SLC8A2: variants seen among roughly 807,000 people sequenced by gnomAD.
The protein encoded by SLC8A2 is sodium/calcium exchanger 2.
In SLC8A2, 14 loss-of-function variants were observed where a neutral mutation model predicts 70.2. The observed-to-expected ratio is 0.20, with a 90% CI of 0.13 to 0.31. SLC8A2 has a LOEUF of 0.31. Ranked by LOEUF, SLC8A2 falls within the 10% of genes least tolerant of loss-of-function variation. The probability of loss-of-function intolerance (pLI) is 1.00; values close to 1 mark genes in which losing one functional copy is unlikely to be tolerated. For synonymous variants in SLC8A2, 575 were observed against 594.3 expected (o/e 0.97, Z 0.47); for missense variants, 779 against 1,320.1 (o/e 0.59, Z 6.35).
rs1967319691 is a variant in SLC8A2, at chr19:47,457,356, G to T, written c.914C>A (p.Ala305Glu). 5.2e-6 allele frequency: 8 copies of T among 1,542,486 alleles called. No individual in the cohort carries two copies. The highest frequency in any genetic ancestry group is 1.4e-5 in the African/African-American group (1 of 71,696). Residue 305 changes from alanine (A) to glutamate (E), a missense_variant, in exon 3 of 10, where the codon GCG (alanine) becomes GAG (glutamate). Ala to Glu is a moderately radical substitution (Grantham distance 107). Around this residue, in one of 6 missense-constraint regions of SLC8A2, gnomAD observed 186 missense variants for 246.6 expected, o/e 0.75. Transcript: ENST00000236877. Reference sequence around the variant, plus strand: ...GCGGCGGCTGGCGTCCAGCTCGCGCGCCTCGGCGGGGCCCGGGCCCAGGCC... The same window carrying T: ...GCGGCGGCTGGCGTCCAGCTCGCGCTCCTCGGCGGGGCCCGGGCCCAGGCC... Reference protein sequence around the residue: ...LGGLGPGPAEARELDASRREV... With the variant: ...LGGLGPGPAEERELDASRREV...
rs1186338441 is a variant in SLC8A2, at chr19:47,449,204, G to A, written c.1341-973C>T. On this transcript the variant is annotated intron_variant, in intron 3 of 9. Coordinates refer to ENST00000236877, the MANE Select transcript of SLC8A2 (RefSeq NM_015063.3). ...GAGAAACAGGAGGGTAGGGAGTGAG[G>A]AGAGGGAGCTGTTGGCATGGTCAAG... Among the ~76,000 whole-genome samples the A allele has an allele frequency of 3.3e-5, 5 of 152,124 alleles. No individual in the cohort carries two copies. In the East Asian group the frequency reaches 7.7e-4, roughly 23 times the overall value.
rs1218521813 is a variant in SLC8A2 at position 47,466,775 on chromosome 19, T to C, written c.-16-356A>G. On this transcript the variant is annotated intron_variant, in intron 1 of 9. Coordinates refer to ENST00000236877, the MANE Select transcript of SLC8A2 (RefSeq NM_015063.3). This position sits in a 1 kb window ranked among gnomAD's most constrained non-coding sequence, Gnocchi z 6.9. Reference sequence around the variant, plus strand: ...TGTCCACTAAAAGGACCTACAAGAATGTTCATAGCAGGCCGGGTGCGGTGG... The same window carrying C: ...TGTCCACTAAAAGGACCTACAAGAACGTTCATAGCAGGCCGGGTGCGGTGG... Among the ~76,000 whole-genome samples, 1 of 152,162 alleles carries C rather than the reference T, an allele frequency of 6.6e-6. No homozygotes were observed. Among genetic ancestry groups the C allele is most frequent in the Non-Finnish European group, 1.5e-5 (1 of 68,038 alleles).
intron 4 of SLC8A2, among the ~76,000 whole-genome samples, chr19:47,444,920 C>T (rs1351188288): frequency 6.6e-6 from 1 of 152,180 alleles, no homozygotes. Context: ...CTCTCACTGA[C>T]CCAAACTCCC....
chr19:47,440,668 C>T (rs946832140), intron 6 of SLC8A2, among the ~76,000 whole-genome samples: 1 of 150,938 alleles, frequency 6.6e-6, no homozygotes, highest in Admixed American at 6.6e-5. Flanking sequence ...CTCGGCTCAC[C>T]GCAACCTCCA....
In SLC8A2 at chr19:47,466,417, G is replaced by A; in HGVS notation, c.-14C>T. 3 of 1,208,248 alleles carry A rather than the reference G, an allele frequency of 2.5e-6. No homozygotes were observed. Among genetic ancestry groups the A allele is most frequent in the Non-Finnish European group, 3.4e-6 (3 of 891,838 alleles). The allele number at this position is 1,208,248 out of a possible 1,614,324, so 74.8% of individuals were successfully genotyped here. ...CAGGGGAGCCATGGGGGGTGGTGGG[G>A]TCCTATGGGGGAGGAGGAGGAGGTC... On this transcript the variant is annotated splice_region_variant and 5_prime_UTR_variant, in exon 2 of 10. Coordinates refer to ENST00000236877, the MANE Select transcript of SLC8A2 (RefSeq NM_015063.3). This position sits in a 1 kb window ranked among gnomAD's most constrained non-coding sequence, Gnocchi z 6.9.
chr19:47,457,444 G>T lies in SLC8A2; in HGVS notation c.826C>A (p.Pro276Thr). ...SGIIIGAEGD[P>T]PKSIELDGTF... is the part of the protein sequence containing the mutation. ...CCGTCCAGCTCGATGCTCTTCGGGGGGTCGCCCTCGGCGCCTATGATGATG... is the reference window on the plus strand; with the variant it reads ...CCGTCCAGCTCGATGCTCTTCGGGGTGTCGCCCTCGGCGCCTATGATGATG... Residue 276 changes from proline (P) to threonine (T), a missense_variant, in exon 3 of 10, where the codon CCC (proline) becomes ACC (threonine). By Grantham distance (38) the Pro-to-Thr change is conservative. This residue lies in a region of SLC8A2 where 186 missense variants were observed against 246.6 expected (regional missense o/e 0.75). Coordinates refer to ENST00000236877, the MANE Select transcript of SLC8A2 (RefSeq NM_015063.3). The T allele has an allele frequency of 6.2e-7, 1 of 1,605,222 alleles. No individual in the cohort carries two copies. Among genetic ancestry groups the T allele is most frequent in the South Asian group, 1.1e-5 (1 of 89,216 alleles).
At chr19:47,437,098 C>T (rs562304754) in intron 8 of SLC8A2, among the ~76,000 whole-genome samples, 30 of 152,294 alleles carry the variant, frequency 2.0e-4, no homozygotes, top group African/African-American at 6.7e-4. Flanking sequence ...ACCTGCCTCT[C>T]CCTCTCCCCG....
intron 2 of SLC8A2, among the ~76,000 whole-genome samples, chr19:47,462,425 C>T (rs568967195): frequency 5.3e-5 from 8 of 151,960 alleles, no homozygotes; most frequent in South Asian, 4.2e-4. Flanking sequence ...CCACCACGCC[C>T]GGCTAATTTT....
Position 47,457,007 on chromosome 19 carries a change from G to A in SLC8A2, c.1263C>T (p.Gly421=). The A allele has an allele frequency of 1.2e-6, 2 of 1,612,596 alleles. No individual in the cohort carries two copies. The highest frequency in any genetic ancestry group is 2.2e-5 in the South Asian group (2 of 90,902). ...CCACGTAGAAGGTGCTGTTGCCCTC[G>A]CCGCCCTGGCACGTGACGGACAGCA... is the stretch of plus-strand genomic sequence containing the variant. ...SVLLSVTCQG[G]EGNSTFYVDY... is the part of the protein sequence containing the mutation. The change falls in exon 3 of 10, where the codon GGC becomes GGT. Residue 421 remains glycine (G), a synonymous_variant. Coordinates refer to ENST00000236877, the MANE Select transcript of SLC8A2 (RefSeq NM_015063.3).
chr19:47,449,825 A>G (rs1327851179), intron 3 of SLC8A2, among the ~76,000 whole-genome samples: 1 of 152,094 alleles, frequency 6.6e-6, no homozygotes, highest in African/African-American at 2.4e-5. Flanking sequence ...CAGATCACCT[A>G]GGGCCTGGGT....
At chr19:47,453,856 C>A (rs774335111) in intron 3 of SLC8A2, among the ~76,000 whole-genome samples, 1 of 151,966 alleles carries the variant, frequency 6.6e-6, no homozygotes, top group Non-Finnish European at 1.5e-5. Flanking sequence ...GCTTGGGAGG[C>A]GGAGGCTGCA....
In SLC8A2 at chr19:47,466,947, C is replaced by T. The variant is rs1189866349; in HGVS notation, c.-16-528G>A. Among the ~76,000 whole-genome samples the T allele has an allele frequency of 6.6e-6, 1 of 152,144 alleles. No individual in the cohort carries two copies. Among genetic ancestry groups the T allele is most frequent in the Non-Finnish European group, 1.5e-5 (1 of 68,030 alleles). On this transcript the variant is annotated intron_variant, in intron 1 of 9. Coordinates refer to ENST00000236877, the MANE Select transcript of SLC8A2 (RefSeq NM_015063.3). This position sits in a 1 kb window ranked among gnomAD's most constrained non-coding sequence, Gnocchi z 6.9. ...TGGCGGGAGCCTGTAACCCCAGCTA[C>T]TCGGGAGGCTGAGGCAGGAGAATCA...
chr19:47,471,017 T>C (rs1967530805), intron 1 of SLC8A2, among the ~76,000 whole-genome samples: 1 of 149,262 alleles, frequency 6.7e-6, no homozygotes, highest in Admixed American at 6.6e-5. Context: ...GACAAAGGTG[T>C]GTGGGAGGAG....
In SLC8A2 at chr19:47,437,880, T is replaced by G; in HGVS notation, c.1979A>C (p.Glu660Ala). 1 of 1,614,020 alleles carries G rather than the reference T, an allele frequency of 6.2e-7. No homozygotes were observed. The highest frequency in any genetic ancestry group is 8.5e-7 in the Non-Finnish European group (1 of 1,179,982). The change falls in exon 7 of 10, where the codon GAG (glutamate) becomes GCG (alanine). Residue 660 changes from glutamate to alanine, a missense_variant. This residue lies in a region of SLC8A2 where 247 missense variants were observed against 362.8 expected (regional missense o/e 0.68). Transcript: ENST00000236877. ...ATCATATGACTCCTCGATGATGACC[T>G]CCAGCCGGCAGTTCTCCCCAAGAAC... ...KPVLGENCRL[E>A]VIIEESYDFK...
chr19:47,462,825 T>C (rs1382558444), intron 2 of SLC8A2, among the ~76,000 whole-genome samples: 1 of 152,158 alleles, frequency 6.6e-6, no homozygotes, highest in Non-Finnish European at 1.5e-5. Context: ...TGACCTCAGG[T>C]GATCCATCCA....
intron 3 of SLC8A2, among the ~76,000 whole-genome samples, chr19:47,452,445 A>AGAGAGAGTGT (rs1568444583): frequency 9.2e-5 from 5 of 54,102 alleles, no homozygotes; most frequent in African/African-American, 4.5e-4. Flanking sequence ...AGAGAGAGAG[A>AGAGAGAGTGT]GTGTGTGTGT....
chr19:47,432,269 T>C lies in SLC8A2; in HGVS notation c.2287A>G (p.Thr763Ala), dbSNP rs1599843215. ...GVSILVIGLL[T>A]ALIGDLASHF... ...GAGGCGAGGTCCCCAATGAGGGCGGTGAGCAGGCCGATGACCAGGATGGAG... is the reference window on the plus strand; with the variant it reads ...GAGGCGAGGTCCCCAATGAGGGCGGCGAGCAGGCCGATGACCAGGATGGAG... Residue 763 changes from threonine (T) to alanine (A), a missense_variant, in exon 9 of 10, where the codon ACC becomes GCC. By Grantham distance (58) the Thr-to-Ala change is moderately conservative. Transcript: ENST00000236877. This position sits in a 1 kb window ranked among gnomAD's most constrained non-coding sequence, Gnocchi z 6.2. 6.2e-7 allele frequency: 1 copy of C among 1,613,694 alleles called. No homozygotes were observed. Among genetic ancestry groups the C allele is most frequent in the Admixed American group, 1.7e-5 (1 of 59,968 alleles).
rs115637024 is a variant in SLC8A2, at chr19:47,468,433, A to G, written c.-16-2014T>C. Among the ~76,000 whole-genome samples the G allele has an allele frequency of 0.015, 2,209 of 152,298 alleles. 41 individuals carry two copies. The highest frequency in any genetic ancestry group is 0.044 in the Middle Eastern group (13 of 294). On this transcript the variant is annotated intron_variant, in intron 1 of 9. Transcript: ENST00000236877. The surrounding 1 kb of genome is among the most constrained non-coding windows in gnomAD (Gnocchi z 5.1). The stretch of plus-strand genomic sequence containing the variant: ...CTCCTCAGCCTCCCAAGTAGCGGGA[A>G]GTACAGGCGTGCGCCACCATGCCCA...
Position 47,437,575 on chromosome 19 carries a change from G to T in SLC8A2, c.2011-14C>A. 1.3e-6 allele frequency: 2 copies of T among 1,587,930 alleles called. No homozygotes were observed. Among genetic ancestry groups the T allele is most frequent in the Non-Finnish European group, 1.7e-6 (2 of 1,156,390 alleles). On this transcript the variant is annotated splice_polypyrimidine_tract_variant and intron_variant, in intron 7 of 9. Transcript: ENST00000236877. ...ATCCACCGTGTTCTGGGGATGAGAG[G>T]GTGGGGGAGAGGTCACTGCCCCTGA...
Sources: gnomAD v4.1 joint callset for allele counts (sites outside exome capture counted in the v4.1 genomes callset) on GRCh38, gnomAD v4.1.1 for gene constraint, gnomAD v4.1.1 regional missense constraint, Gnocchi (gnomAD v3.1) non-coding constraint, MANE v1.5 for transcripts, NCBI Gene and HGNC (gene_info 2026-07-23, HGNC 2026-07-21) for gene names.